The following PPP1R14C variants were observed in gnomAD, a reference collection of about 807,000 sequenced individuals.
PPP1R14C encodes protein phosphatase 1 regulatory inhibitor subunit 14C.
Under a neutral mutation model 20.4 loss-of-function variants are expected in PPP1R14C, and 16 were observed. The observed-to-expected ratio is 0.78, with a 90% CI of 0.53 to 1.19. The LOEUF (loss-of-function observed/expected upper bound fraction) is 1.19. Ranked by LOEUF, PPP1R14C falls within the 50% of genes most tolerant of loss-of-function variation. The pLI, the probability that PPP1R14C is intolerant of heterozygous loss-of-function variation, is 0.00. For synonymous variants in PPP1R14C, 91 were observed against 91.0 expected (o/e 1.00, Z 0.00); for missense variants, 211 against 220.1 (o/e 0.96, Z 0.26).
chr6:150,227,998 T>G (rs1778249477), intron 3 of PPP1R14C, among the ~76,000 whole-genome samples: 1 of 152,260 alleles, frequency 6.6e-6, no homozygotes. Flanking sequence ...CCGTACGTGC[T>G]GGAGCTGGAA....
rs535189665 is a variant in PPP1R14C at position 150,160,256 on chromosome 6, C to CTT, written c.306+16783_306+16784dup. Among the ~76,000 whole-genome samples, 717 of 100,828 alleles carry CTT rather than the reference C, an allele frequency of 7.1e-3. 50 individuals are homozygous for CTT. Among genetic ancestry groups the CTT allele is most frequent in the African/African-American group, 0.024 (580 of 24,158 alleles). 66.1% of individuals were successfully genotyped at this position (100,828 alleles called of 152,430 possible). On this transcript the variant is annotated intron_variant, in intron 1 of 3. Transcript: ENST00000361131. The stretch of plus-strand genomic sequence containing the variant: ...AGAAAATCACTATGTGTAGCTCATT[C>CTT]TTTTTTTTTTTTTTTTTTTTTTTTT...
chr6:150,234,603 C>T (rs1778334446), intron 3 of PPP1R14C, among the ~76,000 whole-genome samples: 1 of 151,950 alleles, frequency 6.6e-6, no homozygotes, highest in South Asian at 2.1e-4. Context: ...AATCCCAGCA[C>T]TTTGAGAGGC....
intron 1 of PPP1R14C, among the ~76,000 whole-genome samples, chr6:150,180,534 C>T (rs1013795790): frequency 2.6e-5 from 4 of 152,226 alleles, no homozygotes; most frequent in Non-Finnish European, 4.4e-5. Flanking sequence ...TTTCATCCAG[C>T]ATTATATAAG....
intron 3 of PPP1R14C, among the ~76,000 whole-genome samples, 178 bp downstream of exon 3, chr6:150,217,034 A>G (rs1778102742): frequency 6.6e-6 from 1 of 152,212 alleles, no homozygotes; most frequent in Non-Finnish European, 1.5e-5. Flanking sequence ...AAGCCTAAAC[A>G]TGTCTAGTTC....
chr6:150,188,832 T>A (rs1005247654), intron 1 of PPP1R14C, among the ~76,000 whole-genome samples: 6 of 150,718 alleles, frequency 4.0e-5, no homozygotes, highest in Non-Finnish European at 8.9e-5. Flanking sequence ...GATTTTTTAT[T>A]TTTTTATTTT....
intron 1 of PPP1R14C, chr6:150,194,734 G>A: frequency 3.0e-6 from 3 of 985,268 alleles, no homozygotes; most frequent in South Asian, 4.7e-5. Flanking sequence ...CGTAAAAGAG[G>A]CTCTTATAAT....
chr6:150,159,695 A>G (rs1259432031), intron 1 of PPP1R14C, among the ~76,000 whole-genome samples: 5 of 151,982 alleles, frequency 3.3e-5, no homozygotes, highest in Admixed American at 2.6e-4. Context: ...AAGACAGAAC[A>G]CTATTGCCAT....
chr6:150,152,330 T>G (rs1186181326), intron 1 of PPP1R14C, among the ~76,000 whole-genome samples: 1 of 152,130 alleles, frequency 6.6e-6, no homozygotes, highest in Admixed American at 6.5e-5. Flanking sequence ...CTGTCCCTGC[T>G]CCAGCTCCCC....
intron 3 of PPP1R14C, among the ~76,000 whole-genome samples, chr6:150,222,124 A>G (rs1314377930): frequency 7.9e-6 from 1 of 126,946 alleles, no homozygotes; most frequent in East Asian, 1.9e-4. Context: ...AGTGGTGGTA[A>G]CGATAGCAAT....
intron 1 of PPP1R14C, among the ~76,000 whole-genome samples, chr6:150,168,118 C>CTT (rs1777452538): frequency 7.7e-6 from 1 of 130,330 alleles, no homozygotes; most frequent in African/African-American, 3.0e-5. Context: ...CTTCCCTCCC[C>CTT]CACTCCTTCT....
intron 1 of PPP1R14C, among the ~76,000 whole-genome samples, chr6:150,175,267 C>T (rs1777549026): frequency 6.6e-6 from 1 of 152,126 alleles, no homozygotes; most frequent in Non-Finnish European, 1.5e-5. Context: ...CAGTAACTTG[C>T]TGAGAGCCGT....
rs778643168 is a variant in PPP1R14C at position 150,143,366 on chromosome 6, G to C, written c.174G>C (p.Gln58His). 6.2e-7 allele frequency: 1 copy of C among 1,610,514 alleles called. No individual in the cohort carries two copies. The highest frequency in any genetic ancestry group is 8.5e-7 in the Non-Finnish European group (1 of 1,179,086). ...APVATAAAAG[Q>H]VQQQQQRRHQ... ...TGGCCACGGCGGCCGCTGCAGGGCA[G>C]GTTCAGCAGCAACAGCAGCGGCGAC... The change falls in exon 1 of 4, where the codon CAG (glutamine) becomes CAC (histidine). Residue 58 changes from glutamine to histidine, a missense_variant. Physicochemically the swap from Gln to His is conservative, Grantham distance 24. Coordinates refer to ENST00000361131, the MANE Select transcript of PPP1R14C (RefSeq NM_030949.3). This position sits in a 1 kb window ranked among gnomAD's most constrained non-coding sequence, Gnocchi z 5.6.
In PPP1R14C at chr6:150,238,096, T is replaced by A. The variant is rs376796717; in HGVS notation, c.424-10650T>A. On this transcript the variant is annotated intron_variant, in intron 3 of 3. Coordinates refer to ENST00000361131, the MANE Select transcript of PPP1R14C (RefSeq NM_030949.3). ...GCTGAGCACAACAGCCCACAGAGAA[T>A]GCTTCTGCTGAGAGGTAGATTCTAA... Among the ~76,000 whole-genome samples, 20 of 152,298 alleles carry A rather than the reference T, an allele frequency of 1.3e-4. No individual in the cohort carries two copies. The East Asian group carries it at 2.9e-3, about 22-fold the overall frequency.
intron 3 of PPP1R14C, among the ~76,000 whole-genome samples, chr6:150,234,893 C>T (rs1040916482): frequency 2.8e-5 from 4 of 141,412 alleles, no homozygotes; most frequent in South Asian, 4.5e-4. Context: ...AAACTGCGGA[C>T]GCACACAATA....
At position 150,144,001 on chromosome 6, in the gene PPP1R14C, C is replaced by T. The variant is rs188239031; in HGVS notation, c.306+503C>T. ...GAGGTTCTGGGGATCTCAGAGGCCC[C>T]CTTGGTTCTTGAAATTCCCCGTGAA... On this transcript the variant is annotated intron_variant, in intron 1 of 3. Transcript: ENST00000361131. Among the ~76,000 whole-genome samples the T allele has an allele frequency of 1.7e-3, 264 of 152,318 alleles. 1 individual carries two copies. Among genetic ancestry groups the T allele is most frequent in the African/African-American group, 6.1e-3 (254 of 41,582 alleles).
intron 3 of PPP1R14C, among the ~76,000 whole-genome samples, chr6:150,217,580 T>G (rs1324576009): frequency 6.6e-6 from 1 of 152,200 alleles, no homozygotes; most frequent in Non-Finnish European, 1.5e-5. Flanking sequence ...TATGCTTTGT[T>G]TAGATATTTA....
At chr6:150,235,924 C>T (rs6922765) in intron 3 of PPP1R14C, among the ~76,000 whole-genome samples, 8,922 of 152,180 alleles carry the variant, frequency 0.059, 338 homozygotes, top group African/African-American at 0.087. Flanking sequence ...TCCTCCCATA[C>T]TGGAAAATGA....
Position 150,234,181 on chromosome 6 carries a change from T to C in PPP1R14C, c.424-14565T>C, listed in dbSNP as rs77455683. ...GCTCCTTGAAAAACTCCCCCCAAAA[T>C]TGTACTGCTATACACTCACTAGAAT... On this transcript the variant is annotated intron_variant, in intron 3 of 3. Coordinates refer to ENST00000361131, the MANE Select transcript of PPP1R14C (RefSeq NM_030949.3). 8.5e-5 allele frequency among the ~76,000 whole-genome samples: 13 copies of C among 152,260 alleles called. No homozygotes were observed. The East Asian group carries it at 2.5e-3, about 29-fold the overall frequency.
chr6:150,243,996 A>AT (rs1406487371), intron 3 of PPP1R14C, among the ~76,000 whole-genome samples: 10 of 152,266 alleles, frequency 6.6e-5, no homozygotes, highest in South Asian at 4.2e-4. Flanking sequence ...AAACAGGTCA[A>AT]TTTTTTCCTG....
Sources: gnomAD v4.1 joint callset for allele counts (sites outside exome capture counted in the v4.1 genomes callset) on GRCh38, gnomAD v4.1.1 for gene constraint, Gnocchi (gnomAD v3.1) non-coding constraint, MANE v1.5 for transcripts, NCBI Gene and HGNC (gene_info 2026-07-23, HGNC 2026-07-21) for gene names.